Variants in WDR36 observed in about 807,000 individuals in gnomAD.
The protein encoded by WDR36 is WD repeat domain 36.
WDR36 carries 63 observed loss-of-function variants against 112.7 expected under a neutral mutation model. The observed-to-expected ratio is 0.56, with a 90% CI of 0.46 to 0.69. The LOEUF is 0.69. Ranked by LOEUF, WDR36 falls within the 30% of genes least tolerant of loss-of-function variation. The probability of loss-of-function intolerance (pLI) is 0.00; values close to 1 mark genes in which losing one functional copy is unlikely to be tolerated. For synonymous variants in WDR36, 410 were observed against 362.2 expected, an observed-to-expected ratio of 1.13 and a Z score of -1.50; for missense variants, 1,226 against 1,070.3, an observed-to-expected ratio of 1.15 and a Z score of -2.03.
intron 12 of WDR36, among the ~76,000 whole-genome samples, chr5:111,108,738 C>T (rs533616672): frequency 6.6e-6 from 1 of 151,362 alleles, no homozygotes; most frequent in African/African-American, 2.4e-5. Flanking sequence ...GACAGTAAAA[C>T]AGGCTTTATG....
rs74406889 is a variant in WDR36, at chr5:111,121,158, T to C, written c.2148+17T>C. On this transcript the variant is annotated intron_variant, in intron 19 of 22. Coordinates refer to ENST00000513710, the MANE Select transcript of WDR36 (RefSeq NM_139281.3). ...GTTATTAAGGTAATAATTAACATTC[T>C]TTATAGACCCTAAGCATGCATCCAG... 251 of 1,613,096 alleles carry C rather than the reference T, an allele frequency of 1.6e-4. No homozygotes were observed. In the African/African-American group the frequency reaches 2.7e-3, roughly 18 times the overall value.
chr5:111,123,874 G>A lies in WDR36; in HGVS notation c.2218G>A (p.Gly740Ser). The change falls in exon 20 of 23, where the codon GGC becomes AGC. Residue 740 changes from glycine to serine, a missense_variant. Gly to Ser is a moderately conservative substitution (Grantham distance 56, BLOSUM62 0). Coordinates refer to ENST00000513710, the MANE Select transcript of WDR36 (RefSeq NM_139281.3). Reference protein sequence around the residue: ...SAPFFIPTIPGLVPRYAAPEQ... With the variant: ...SAPFFIPTIPSLVPRYAAPEQ... ...ACCATTTTTCATTCCAACAATTCCT[G>A]GCCTTGTACCCAGATATGCTGCACC... is the stretch of plus-strand genomic sequence containing the variant. 2.5e-6 allele frequency: 4 copies of A among 1,613,768 alleles called. No individual in the cohort carries two copies. The highest frequency in any genetic ancestry group is 3.4e-6 in the Non-Finnish European group (4 of 1,179,906).
intron 5 of WDR36, 113 bp from the exon 6 acceptor site, chr5:111,102,232 A>C: frequency 1.3e-6 from 1 of 781,564 alleles, no homozygotes. Context: ...TGTGTGGAAG[A>C]GTAAGAACTT....
chr5:111,121,335 CT>C, intron 19 of WDR36, among the ~76,000 whole-genome samples, 194 bp downstream of exon 19: 1 of 152,200 alleles, frequency 6.6e-6, no homozygotes, highest in Non-Finnish European at 1.5e-5. Flanking sequence ...TATATATCAA[CT>C]TTGAGAACAC....
chr5:111,094,032 GAAA>G (rs143062290), intron 1 of WDR36, among the ~76,000 whole-genome samples: 38,685 of 148,696 alleles, frequency 0.26, 5,996 homozygotes, highest in Non-Finnish European at 0.35. Flanking sequence ...GGAGTAAAAA[GAAA>G]AAAAAAAGGA....
At chr5:111,118,752 C>G (rs1182353502) in intron 16 of WDR36, among the ~76,000 whole-genome samples, 1 of 152,102 alleles carries the variant, frequency 6.6e-6, no homozygotes, top group African/African-American at 2.4e-5. Context: ...CCTCCTGTTT[C>G]CTCCCTGTTG....
intron 5 of WDR36, among the ~76,000 whole-genome samples, chr5:111,101,434 C>G (rs1328211072): frequency 1.3e-5 from 2 of 151,732 alleles, no homozygotes; most frequent in Non-Finnish European, 2.9e-5. Flanking sequence ...GATGGAAAGG[C>G]AAATCAATAA....
intron 13 of WDR36, 60 bp downstream of exon 13, chr5:111,110,363 A>G: frequency 1.5e-6 from 2 of 1,345,018 alleles, no homozygotes; most frequent in South Asian, 2.3e-5. Flanking sequence ...TAGTAGTGAA[A>G]GCTGGTATGT....
At chr5:111,114,414 A>G (rs1485001270) in intron 16 of WDR36, among the ~76,000 whole-genome samples, 1 of 152,208 alleles carries the variant, frequency 6.6e-6, no homozygotes, top group Non-Finnish European at 1.5e-5. Context: ...CTCATACATG[A>G]AAACAGTTTG....
intron 16 of WDR36, among the ~76,000 whole-genome samples, chr5:111,117,698 C>A (rs994302766): frequency 2.0e-5 from 3 of 152,144 alleles, no homozygotes; most frequent in African/African-American, 7.2e-5. Flanking sequence ...GCTGAGGATA[C>A]TTCCTCACAC....
chr5:111,093,017 T>C (rs888839208), intron 1 of WDR36, among the ~76,000 whole-genome samples: 2 of 152,256 alleles, frequency 1.3e-5, no homozygotes, highest in Non-Finnish European at 2.9e-5. Flanking sequence ...AGAAATTCAC[T>C]CTAGGTAGAA....
At chr5:111,094,383 A>G (rs529818810) in intron 1 of WDR36, among the ~76,000 whole-genome samples, 8 of 152,288 alleles carry the variant, frequency 5.3e-5, no homozygotes, top group Admixed American at 3.9e-4. Context: ...AGTAGCCATG[A>G]TTGGGGTCAG....
intron 4 of WDR36, among the ~76,000 whole-genome samples, chr5:111,099,451 G>GGTTTT (rs1753068396): frequency 5.4e-5 from 3 of 55,638 alleles, no homozygotes; most frequent in African/African-American, 1.7e-4. Flanking sequence ...GTTTTTTTTT[G>GGTTTT]TTTTTTTTTT....
At chr5:111,108,097 A>G (rs13356322) in intron 12 of WDR36, among the ~76,000 whole-genome samples, 1,677 of 151,506 alleles carry the variant, frequency 0.011, 29 homozygotes, top group African/African-American at 0.039. Context: ...TGATCTATGA[A>G]CATGGGGTGT....
chr5:111,127,854 T>G lies in WDR36; in HGVS notation c.*971T>G, dbSNP rs1347207115. 1 of 212,506 alleles carries G rather than the reference T, an allele frequency of 4.7e-6. No homozygotes were observed. The highest frequency in any genetic ancestry group is 2.3e-5 in the African/African-American group (1 of 44,238). The allele number at this position is 212,506 out of a possible 1,614,324, so 13.2% of individuals were successfully genotyped here. ...TCCTTGCAAACAATTTTTAGCAATA[T>G]TGTTTATTGCTACCACAGCCAAGAA... On this transcript the variant is annotated 3_prime_UTR_variant, in exon 23 of 23. Transcript: ENST00000513710.
chr5:111,124,289 TA>T, intron 21 of WDR36, 100 bp downstream of exon 21: 1 of 1,017,512 alleles, frequency 9.8e-7, no homozygotes, highest in Non-Finnish European at 1.4e-6. Context: ...GTAGTTAAGA[TA>T]GTAAAAATCA....
At chr5:111,104,074 G>GT (rs1309186562) in intron 7 of WDR36, 103 bp from the exon 8 acceptor site, 3 of 1,400,192 alleles carry the variant, frequency 2.1e-6, no homozygotes, top group South Asian at 2.6e-5. Context: ...TTGGTATATA[G>GT]TTTTTTTCTA....
At chr5:111,108,568 A>T (rs1048821664) in intron 12 of WDR36, among the ~76,000 whole-genome samples, 1 of 151,358 alleles carries the variant, frequency 6.6e-6, no homozygotes, top group Non-Finnish European at 1.5e-5. Flanking sequence ...ATTTACCTAC[A>T]TAGTTTTGAA....
intron 15 of WDR36, among the ~76,000 whole-genome samples, chr5:111,112,845 A>C (rs1753369514): frequency 6.6e-6 from 1 of 151,334 alleles, no homozygotes; most frequent in African/African-American, 2.4e-5. Flanking sequence ...ATCTTTATCC[A>C]GATTCCAAAT....
Sources: gnomAD v4.1 joint callset for allele counts (sites outside exome capture counted in the v4.1 genomes callset) on GRCh38, gnomAD v4.1.1 for gene constraint, MANE v1.5 for transcripts, NCBI Gene and HGNC (gene_info 2026-07-23, HGNC 2026-07-21) for gene names.